The following MUC6 variants were observed in gnomAD, a reference collection of about 807,000 sequenced individuals.
MUC6 encodes mucin 6, oligomeric mucus/gel-forming (gene/pseudogene), also known as mucin-6.
A neutral mutation model predicts 201.5 loss-of-function variants in MUC6; 188 were observed. The observed-to-expected ratio is 0.93, with a 90% CI of 0.83 to 1.05. MUC6 has a LOEUF of 1.05. Ranked by LOEUF, MUC6 falls within the 50% of genes least tolerant of loss-of-function variation. MUC6 has a pLI of 0.00. For synonymous variants in MUC6, 1,228 were observed against 1,389.4 expected (o/e 0.88, Z 2.58); for missense variants, 2,706 against 3,256.9 (o/e 0.83, Z 4.12).
Position 1,029,099 on chromosome 11 carries a change from C to T in MUC6, c.1327G>A (p.Gly443Ser), listed in dbSNP as rs200621075. The change falls in exon 11 of 33, where the codon GGC (glycine) becomes AGC (serine). Residue 443 changes from glycine (G) to serine (S), a missense_variant. Coordinates refer to ENST00000421673, the MANE Select transcript of MUC6 (RefSeq NM_005961.3). Reference protein sequence around the residue: ...GALMAVYDKSGVSHSETSLVA... With the variant: ...GALMAVYDKSSVSHSETSLVA... ...AGGGAGGTCTCGGAGTGTGAGACGC[C>T]GGACTTGTCGTACACAGCCATGAGG... 2.0e-4 allele frequency: 319 copies of T among 1,612,682 alleles called. No individual in the cohort carries two copies. Among genetic ancestry groups the T allele is most frequent in the Non-Finnish European group, 2.6e-4 (302 of 1,179,772 alleles).
rs781051519 is a variant in MUC6, at chr11:1,031,977, C to G, written c.192G>C (p.Ser64=). The G allele has an allele frequency of 1.9e-6, 3 of 1,613,630 alleles. No homozygotes were observed. The highest frequency in any genetic ancestry group is 1.1e-5 in the South Asian group (1 of 91,066). The change falls in exon 3 of 33, where the codon TCG becomes TCC. Residue 64 remains serine, a synonymous_variant. Coordinates refer to ENST00000421673, the MANE Select transcript of MUC6 (RefSeq NM_005961.3). ...CCGCGAAGATGTAGTTGCACGTCCC[C>G]GAGAAGTCGTACACGTGGTGGTCGA... ...STFDHHVYDF[S]GTCNYIFAAT...
chr11:1,024,770 T>TC, intron 24 of MUC6, 74 bp downstream of exon 24: 1 of 1,530,984 alleles, frequency 6.5e-7, no homozygotes, highest in Non-Finnish European at 8.8e-7. Flanking sequence ...GTGCCTGGCT[T>TC]CCCCGCCCCT....
At chr11:1,014,254 A>T (rs1198015169) in intron 31 of MUC6, among the ~76,000 whole-genome samples, 1 of 152,148 alleles carries the variant, frequency 6.6e-6, no homozygotes, top group Non-Finnish European at 1.5e-5. Context: ...TTCTCAGCGG[A>T]CTCAGCAGAT....
chr11:1,021,682 T>G (rs1377945164), intron 26 of MUC6, among the ~76,000 whole-genome samples: 4 of 151,866 alleles, frequency 2.6e-5, no homozygotes, highest in Non-Finnish European at 5.9e-5. Context: ...AGCCCCTCCT[T>G]TCCTGCCATG....
chr11:1,029,121 G>A lies in MUC6; in HGVS notation c.1305C>T (p.Leu435=). ...CGCCGGACTTGTCGTACACAGCCAT[G>A]AGGGCACCGTCCTCGGGAAGCTGGG... ...QSPQLPEDGA[L]MAVYDKSGVS... is the part of the protein sequence containing the mutation. The change falls in exon 11 of 33, where the codon CTC becomes CTT. Residue 435 remains leucine, a synonymous_variant. Transcript: ENST00000421673. 6.2e-7 allele frequency: 1 copy of A among 1,612,588 alleles called. No homozygotes were observed.
At chr11:1,024,656 C>CA (rs1168868821) in intron 24 of MUC6, among the ~76,000 whole-genome samples, 188 bp downstream of exon 24, 1 of 152,174 alleles carries the variant, frequency 6.6e-6, no homozygotes, top group Non-Finnish European at 1.5e-5. Context: ...TTAACAGCCA[C>CA]AGTGCACGAG....
At chr11:1,030,365 G>GACCCC in intron 7 of MUC6, 30 bp from the exon 8 acceptor site, 1 of 1,538,746 alleles carries the variant, frequency 6.5e-7, no homozygotes, top group African/African-American at 1.4e-5. Flanking sequence ...CGGTGAGAGG[G>GACCCC]TCCCACCCCC....
At chr11:1,030,537 C>T in intron 7 of MUC6, 36 bp downstream of exon 7, 1 of 1,467,362 alleles carries the variant, frequency 6.8e-7, no homozygotes, top group Non-Finnish European at 9.0e-7. Context: ...GAGCCCTCGG[C>T]CTTCCTGCCC....
At chr11:1,034,730 C>T (rs1388200128) in intron 1 of MUC6, among the ~76,000 whole-genome samples, 5 of 152,328 alleles carry the variant, frequency 3.3e-5, no homozygotes, top group Admixed American at 1.3e-4. Flanking sequence ...ACTTGGGGGC[C>T]GTCCCCGCTG....
intron 2 of MUC6, 24 bp downstream of exon 2, chr11:1,032,989 G>C: frequency 6.4e-7 from 1 of 1,567,448 alleles, no homozygotes; most frequent in Non-Finnish European, 8.7e-7. Context: ...TGGGCGGCAG[G>C]ATCAGTGGCC....
Position 1,024,968 on chromosome 11 carries a change from C to T in MUC6, c.3101G>A (p.Ser1034Asn), listed in dbSNP as rs759329070. ...GAAGCTCACGTCCCCGCACAGCGGG[C>T]TCTCCTTCCACGAGTTCACCAACTC... ...ELELVNSWKESPLCGDVSFVT... is the reference protein window; with the variant it reads ...ELELVNSWKENPLCGDVSFVT... Residue 1034 changes from serine (S) to asparagine (N), a missense_variant, in exon 24 of 33, where the codon AGC (serine) becomes AAC (asparagine). By Grantham distance (46) the Ser-to-Asn change is conservative. Coordinates refer to ENST00000421673, the MANE Select transcript of MUC6 (RefSeq NM_005961.3). 6.2e-7 allele frequency: 1 copy of T among 1,613,162 alleles called. No homozygotes were observed. The highest frequency in any genetic ancestry group is 1.1e-5 in the South Asian group (1 of 91,088).
In MUC6 at chr11:1,033,966, G is replaced by A. The variant is rs1040501258; in HGVS notation, c.53-891C>T. ...CTCACAGCACCTCCTTCCAGATGTAGCTCAGAGATCCCATTCCTGCCACTC... is the reference window on the plus strand; with the variant it reads ...CTCACAGCACCTCCTTCCAGATGTAACTCAGAGATCCCATTCCTGCCACTC... On this transcript the variant is annotated intron_variant, in intron 1 of 32. Coordinates refer to ENST00000421673, the MANE Select transcript of MUC6 (RefSeq NM_005961.3). The surrounding 1 kb of genome is among the most constrained non-coding windows in gnomAD (Gnocchi z 5.6). Among the ~76,000 whole-genome samples, 2 of 152,148 alleles carry A rather than the reference G, an allele frequency of 1.3e-5. No individual in the cohort carries two copies. The highest frequency in any genetic ancestry group is 4.8e-5 in the African/African-American group (2 of 41,430).
chr11:1,035,074 T>C (rs918032911), intron 1 of MUC6, among the ~76,000 whole-genome samples: 61 of 152,226 alleles, frequency 4.0e-4, no homozygotes, highest in African/African-American at 1.4e-3. Context: ...GCACTGTTCC[T>C]TCTGCACGCT....
intron 26 of MUC6, among the ~76,000 whole-genome samples, chr11:1,021,945 C>T (rs1165148987): frequency 2.0e-5 from 3 of 152,094 alleles, no homozygotes. Flanking sequence ...TGCATTCAGA[C>T]CTCTGCCTTG....
chr11:1,028,289 C>T lies in MUC6; in HGVS notation c.1690G>A (p.Ala564Thr). Residue 564 changes from alanine (A) to threonine (T), a missense_variant, in exon 14 of 33, where the codon GCG becomes ACG. Ala to Thr is a moderately conservative substitution (Grantham distance 58, BLOSUM62 0). Transcript: ENST00000421673. ...TASLFVDSWR[A>T]GNCPAALERE... ...TCCAGAGCGGCCGGACAGTTCCCCG[C>T]CCGCCAGGAGTCCACAAACAGCGAG... 2 of 1,607,814 alleles carry T rather than the reference C, an allele frequency of 1.2e-6. No individual in the cohort carries two copies. The highest frequency in any genetic ancestry group is 8.5e-7 in the Non-Finnish European group (1 of 1,177,942).
intron 26 of MUC6, among the ~76,000 whole-genome samples, chr11:1,022,764 T>G (rs965814082): frequency 1.3e-5 from 2 of 152,176 alleles, no homozygotes; most frequent in Admixed American, 6.5e-5. Flanking sequence ...TGTGAAAGAA[T>G]GAATGTGCAA....
At position 1,026,358 on chromosome 11, in the gene MUC6, C is replaced by T. The variant is rs1360931976; in HGVS notation, c.2515G>A (p.Gly839Arg). The T allele has an allele frequency of 1.9e-6, 3 of 1,597,398 alleles. No individual in the cohort carries two copies. The highest frequency in any genetic ancestry group is 2.6e-6 in the Non-Finnish European group (3 of 1,172,320). Residue 839 changes from glycine (G) to arginine (R), a missense_variant, in exon 20 of 33, where the codon GGA becomes AGA. Coordinates refer to ENST00000421673, the MANE Select transcript of MUC6 (RefSeq NM_005961.3). ...CEFSGVSYPG[G>R]AELHTDCRTC... Reference sequence around the variant, plus strand: ...CTGCAGTCAGTGTGGAGCTCAGCTCCTCCAGGGTAGGAGACCCCCGAGAAC... The same window carrying T: ...CTGCAGTCAGTGTGGAGCTCAGCTCTTCCAGGGTAGGAGACCCCCGAGAAC...
rs1196552686 is a variant in MUC6, at chr11:1,021,288, G to A, written c.3527-11C>T. The A allele has an allele frequency of 1.3e-6, 2 of 1,549,236 alleles. No individual in the cohort carries two copies. The highest frequency in any genetic ancestry group is 2.8e-5 in the African/African-American group (2 of 71,486). Reference sequence around the variant, plus strand: ...AGCAGTTGTAGCAGCCTAGGGTGGAGAACGGCCAGGGTCTGTGTGACTGGT... The same window carrying A: ...AGCAGTTGTAGCAGCCTAGGGTGGAAAACGGCCAGGGTCTGTGTGACTGGT... On this transcript the variant is annotated splice_polypyrimidine_tract_variant and intron_variant, in intron 26 of 32. Transcript: ENST00000421673.
rs1220329957 is a variant in MUC6 at position 1,030,668 on chromosome 11, G to A, written c.797C>T (p.Pro266Leu). Residue 266 changes from proline to leucine, a missense_variant, in exon 7 of 33, where the codon CCA (proline) becomes CTA (leucine). Pro to Leu is a moderately conservative substitution (Grantham distance 98). Around this residue, in one of 10 missense-constraint regions of MUC6, gnomAD observed 1,850 missense variants for 1,958.3 expected, o/e 0.94. Transcript: ENST00000421673. ...ADVAAAPQPG[P>L]QNSSCATLSE... ...CAGGGTGGCACAACTGCTGTTCTGT[G>A]GGCCTGGCTGGGGGGCTGCGGCCAC... The A allele has an allele frequency of 1.3e-6, 2 of 1,550,332 alleles. No homozygotes were observed. Among genetic ancestry groups the A allele is most frequent in the Non-Finnish European group, 1.7e-6 (2 of 1,149,202 alleles).
Sources: gnomAD v4.1 joint callset for allele counts (sites outside exome capture counted in the v4.1 genomes callset) on GRCh38, gnomAD v4.1.1 for gene constraint, gnomAD v4.1.1 regional missense constraint, Gnocchi (gnomAD v3.1) non-coding constraint, MANE v1.5 for transcripts, NCBI Gene and HGNC (gene_info 2026-07-23, HGNC 2026-07-21) for gene names.